The following SLC8A1 variants were observed in gnomAD, a reference collection of about 807,000 sequenced individuals.
SLC8A1 encodes solute carrier family 8 member A1.
SLC8A1 carries 18 observed loss-of-function variants against 68.3 expected under a neutral mutation model. That is an observed-to-expected ratio of 0.26 (90% CI 0.18 to 0.39). The LOEUF (loss-of-function observed/expected upper bound fraction) is 0.39. Among genes scored for constraint, SLC8A1 ranks in the 10% least tolerant of loss-of-function variants. SLC8A1 has a pLI of 1.00. For missense variants in SLC8A1, 985 were observed against 1,156.7 expected, an observed-to-expected ratio of 0.85 and a Z score of 2.15; for synonymous variants, 475 against 415.5, an observed-to-expected ratio of 1.14 and a Z score of -1.74.
At chr2:40,475,517 G>A (rs181397344) in intron 1 of SLC8A1, among the ~76,000 whole-genome samples, 26 of 151,664 alleles carry the variant, frequency 1.7e-4, no homozygotes, top group African/African-American at 4.8e-5. Context: ...TTAAAACTGA[G>A]GATTTATTAA....
chr2:40,373,289 A>G (rs890513380), intron 2 of SLC8A1, among the ~76,000 whole-genome samples: 1 of 152,092 alleles, frequency 6.6e-6, no homozygotes, highest in African/African-American at 2.4e-5. Flanking sequence ...TGAATGATTT[A>G]CACCTACTTT....
intron 7 of SLC8A1, among the ~76,000 whole-genome samples, chr2:40,126,282 T>C (rs1353813812): frequency 6.6e-6 from 1 of 152,204 alleles, no homozygotes; most frequent in African/African-American, 2.4e-5. Flanking sequence ...GATGAAGCTA[T>C]ATAAATGTAG....
At chr2:40,174,584 C>T (rs551876857) in intron 4 of SLC8A1, 122 bp downstream of exon 6, 1 of 935,814 alleles carries the variant, frequency 1.1e-6, no homozygotes, top group African/African-American at 1.7e-5. Flanking sequence ...ATGTGTAAAA[C>T]CAGCAAGAGC....
chr2:40,271,499 C>T (rs530923794), intron 2 of SLC8A1, among the ~76,000 whole-genome samples: 2 of 152,172 alleles, frequency 1.3e-5, no homozygotes, highest in African/African-American at 2.4e-5. Flanking sequence ...CTCTCTACCC[C>T]CTCACTGAAC....
intron 1 of SLC8A1, among the ~76,000 whole-genome samples, chr2:40,504,025 G>A (rs985777821): frequency 1.3e-5 from 2 of 151,980 alleles, no homozygotes; most frequent in African/African-American, 4.8e-5. Context: ...GAACAAAACT[G>A]GAGGAATCAC....
chr2:40,129,147 C>G (rs1027323191), intron 7 of SLC8A1, among the ~76,000 whole-genome samples: 2 of 151,988 alleles, frequency 1.3e-5, no homozygotes, highest in Non-Finnish European at 2.9e-5. Context: ...GTAAGTGATA[C>G]CACCATAAAG....
At chr2:40,278,427 C>T (rs1450601807) in intron 2 of SLC8A1, among the ~76,000 whole-genome samples, 4 of 152,086 alleles carry the variant, frequency 2.6e-5, no homozygotes, top group Admixed American at 2.6e-4. Context: ...CAAGATCGCG[C>T]CACTGCACTC....
intron 1 of SLC8A1, among the ~76,000 whole-genome samples, chr2:40,483,400 G>A (rs548230848): frequency 6.6e-6 from 1 of 152,122 alleles, no homozygotes; most frequent in South Asian, 2.1e-4. Context: ...AGAGGGAGAG[G>A]GTGGGTGAGA....
intron 2 of SLC8A1, among the ~76,000 whole-genome samples, chr2:40,250,114 T>C (rs1431455493): frequency 6.6e-6 from 1 of 152,160 alleles, no homozygotes; most frequent in African/African-American, 2.4e-5. Context: ...AAGGGGACAT[T>C]GTGATGACAA....
intron 2 of SLC8A1, among the ~76,000 whole-genome samples, chr2:40,371,315 T>G (rs928996532): frequency 3.3e-5 from 5 of 152,060 alleles, no homozygotes; most frequent in African/African-American, 1.2e-4. Flanking sequence ...AAATATACAT[T>G]ACAGCTTCAG....
At chr2:40,458,926 A>G (rs1432946883) in intron 1 of SLC8A1, among the ~76,000 whole-genome samples, 1 of 152,210 alleles carries the variant, frequency 6.6e-6, no homozygotes, top group Non-Finnish European at 1.5e-5. Flanking sequence ...GTCATCAAGC[A>G]ACTCTTATTA....
chr2:40,357,224 G>A (rs1363157218), intron 2 of SLC8A1, among the ~76,000 whole-genome samples: 2 of 152,136 alleles, frequency 1.3e-5, no homozygotes, highest in African/African-American at 4.8e-5. Context: ...AGGTCAGCTG[G>A]CTCGTACCTC....
intron 2 of SLC8A1, among the ~76,000 whole-genome samples, chr2:40,235,287 G>C (rs1299638195): frequency 5.3e-5 from 8 of 152,042 alleles, no homozygotes; most frequent in Non-Finnish European, 7.4e-5. Flanking sequence ...TCCTGTTGTT[G>C]GTCTATTCAG....
intron 2 of SLC8A1, among the ~76,000 whole-genome samples, chr2:40,327,703 A>C (rs2075985889): frequency 6.6e-6 from 1 of 152,178 alleles, no homozygotes. Flanking sequence ...GGAGCTAAAC[A>C]TTGGGTACAC....
At chr2:40,323,709 C>A (rs985559260) in intron 2 of SLC8A1, among the ~76,000 whole-genome samples, 3 of 151,970 alleles carry the variant, frequency 2.0e-5, no homozygotes, top group African/African-American at 7.2e-5. Flanking sequence ...ACAACAAAAA[C>A]AAACCCTCCT....
chr2:40,441,585 C>T (rs975350020), intron 1 of SLC8A1, among the ~76,000 whole-genome samples: 3 of 152,002 alleles, frequency 2.0e-5, no homozygotes, highest in African/African-American at 7.2e-5. Flanking sequence ...ACCAATAGAA[C>T]AGAACAGAGA....
At chr2:40,102,027 G>C (rs1039108732) in exon 8 of SLC8A1, 4 of 152,150 alleles carry the variant, frequency 2.6e-5, no homozygotes, top group Non-Finnish European at 5.9e-5. Flanking sequence ...GGAATGTGAA[G>C]GTCAATATTG....
chr2:40,448,717 G>A lies in SLC8A1; in HGVS notation c.-25+3187C>T, dbSNP rs115058852. On this transcript the variant is annotated intron_variant, in intron 1 of 7. Coordinates refer to ENST00000406785, the Ensembl canonical transcript of SLC8A1. ...ATTTGGTCAGATGGGAGACCATTTGGTAGGGGTTATGATGAGGGGTGTATG... is the reference window on the plus strand; with the variant it reads ...ATTTGGTCAGATGGGAGACCATTTGATAGGGGTTATGATGAGGGGTGTATG... 6.8e-3 allele frequency among the ~76,000 whole-genome samples: 1,037 copies of A among 152,298 alleles called. 7 individuals are homozygous for A. Among genetic ancestry groups the A allele is most frequent in the Non-Finnish European group, 0.012 (786 of 68,026 alleles).
exon 1 of SLC8A1, chr2:40,512,407 A>G (rs1408695368): frequency 1.3e-5 from 2 of 152,248 alleles, no homozygotes; most frequent in African/African-American, 4.8e-5. Flanking sequence ...AGATCCCAGT[A>G]TGATGCCTTC....
Sources: allele counts gnomAD v4.1 joint callset (sites outside exome capture counted in the v4.1 genomes callset), GRCh38; gene constraint gnomAD v4.1.1; transcripts MANE v1.5; gene names NCBI Gene and HGNC (gene_info 2026-07-23, HGNC 2026-07-21).